Variants in MTMR7 observed in about 807,000 individuals in gnomAD.
The protein encoded by MTMR7 is myotubularin related protein 7.
MTMR7 carries 76 observed loss-of-function variants against 81.2 expected under a neutral mutation model. That is an observed-to-expected ratio of 0.94 (90% CI 0.78 to 1.13). MTMR7 has a LOEUF of 1.13. MTMR7 is among the 50% of genes most tolerant of loss of function. MTMR7 has a pLI of 0.00. For missense variants in MTMR7, 1,044 were observed against 820.0 expected (o/e 1.27, Z -3.34); for synonymous variants, 372 against 289.8 (o/e 1.28, Z -2.88).
intron 3 of MTMR7, among the ~76,000 whole-genome samples, chr8:17,367,792 T>C (rs1413573812): frequency 6.6e-6 from 1 of 152,116 alleles, no homozygotes; most frequent in Non-Finnish European, 1.5e-5. Flanking sequence ...CACACCTCTG[T>C]GTCCCTCTGC....
At chr8:17,389,156 C>T (rs1188227000) in intron 1 of MTMR7, among the ~76,000 whole-genome samples, 1 of 152,180 alleles carries the variant, frequency 6.6e-6, no homozygotes, top group Non-Finnish European at 1.5e-5. Context: ...CACCCAAGAT[C>T]CACCTCCTTA....
chr8:17,360,982 A>G (rs1277022505), intron 4 of MTMR7, 135 bp downstream of exon 4: 4 of 1,000,736 alleles, frequency 4.0e-6, no homozygotes, highest in Non-Finnish European at 5.8e-6. Flanking sequence ...GGCACTAACC[A>G]AGAGAGACCT....
At chr8:17,303,543 C>G (rs528605957) in intron 12 of MTMR7, among the ~76,000 whole-genome samples, 2 of 151,958 alleles carry the variant, frequency 1.3e-5, no homozygotes, top group South Asian at 4.2e-4. Flanking sequence ...ACATACGTAT[C>G]TAGCACATAC....
intron 3 of MTMR7, among the ~76,000 whole-genome samples, chr8:17,362,823 C>G (rs1472153607): frequency 6.6e-6 from 1 of 152,188 alleles, no homozygotes; most frequent in African/African-American, 2.4e-5. Flanking sequence ...TTGCCACCAG[C>G]AAGAGGCTGC....
At chr8:17,347,418 G>C (rs890821809) in intron 5 of MTMR7, among the ~76,000 whole-genome samples, 3 of 152,120 alleles carry the variant, frequency 2.0e-5, no homozygotes, top group Non-Finnish European at 4.4e-5. Flanking sequence ...AGAGGGCTAT[G>C]TGCTCACTCT....
intron 7 of MTMR7, among the ~76,000 whole-genome samples, chr8:17,316,009 C>G (rs1225900728): frequency 6.6e-6 from 1 of 152,134 alleles, no homozygotes; most frequent in Non-Finnish European, 1.5e-5. Flanking sequence ...GAGCCAGATC[C>G]TATCTCTAAA....
intron 1 of MTMR7, among the ~76,000 whole-genome samples, chr8:17,411,654 C>G (rs1463373490): frequency 6.6e-6 from 1 of 152,156 alleles, no homozygotes; most frequent in African/African-American, 2.4e-5. Flanking sequence ...GTTTCCATTT[C>G]CAGATAAATA....
At chr8:17,337,570 T>C (rs945899083) in intron 6 of MTMR7, among the ~76,000 whole-genome samples, 1 of 152,166 alleles carries the variant, frequency 6.6e-6, no homozygotes, top group Non-Finnish European at 1.5e-5. Context: ...TTTTTTGGAA[T>C]TGACATTCAA....
chr8:17,346,679 C>T (rs1024447329), intron 5 of MTMR7, among the ~76,000 whole-genome samples: 2 of 146,054 alleles, frequency 1.4e-5, no homozygotes, highest in Non-Finnish European at 2.9e-5. Context: ...TTGCTAGGCA[C>T]ACTGTGCTCA....
chr8:17,336,100 T>A (rs1050773024), intron 6 of MTMR7, among the ~76,000 whole-genome samples: 3 of 152,282 alleles, frequency 2.0e-5, no homozygotes, highest in African/African-American at 7.2e-5. Context: ...TGGCATAGCG[T>A]CCAAGTGCTC....
At chr8:17,381,874 G>C (rs1180130210) in intron 1 of MTMR7, among the ~76,000 whole-genome samples, 2 of 152,216 alleles carry the variant, frequency 1.3e-5, no homozygotes, top group African/African-American at 2.4e-5. Context: ...TGAGTCAAGA[G>C]GCCTGGGCTC....
chr8:17,366,159 C>T (rs1820218693), intron 3 of MTMR7, among the ~76,000 whole-genome samples: 1 of 152,188 alleles, frequency 6.6e-6, no homozygotes. Context: ...AATGGGGCTG[C>T]ATCCGTATAC....
intron 1 of MTMR7, among the ~76,000 whole-genome samples, chr8:17,406,397 T>C (rs979572790): frequency 1.3e-5 from 2 of 152,124 alleles, no homozygotes; most frequent in African/African-American, 4.8e-5. Context: ...ACATGCTCAA[T>C]ATCATTAGTC....
intron 7 of MTMR7, among the ~76,000 whole-genome samples, chr8:17,330,029 C>G (rs1383552704): frequency 1.3e-5 from 2 of 152,312 alleles, no homozygotes; most frequent in East Asian, 3.9e-4. Context: ...TCCTGTCATT[C>G]TGCAGCAGGT....
chr8:17,313,612 G>A (rs1233493373), intron 7 of MTMR7, among the ~76,000 whole-genome samples: 1 of 152,106 alleles, frequency 6.6e-6, no homozygotes, highest in African/African-American at 2.4e-5. Context: ...CTGGTCACAG[G>A]GAATGCTGCA....
At chr8:17,349,355 G>C in intron 4 of MTMR7, 2 of 283,894 alleles carry the variant, frequency 7.0e-6, no homozygotes, top group South Asian at 1.9e-4. Context: ...CAAGACCAGT[G>C]ACAATGAAGC....
In MTMR7 at chr8:17,298,787, G is replaced by A. The variant is rs1226968464; in HGVS notation, c.*1075C>T. On this transcript the variant is annotated 3_prime_UTR_variant, in exon 14 of 14. Coordinates refer to ENST00000180173, the MANE Select transcript of MTMR7 (RefSeq NM_004686.5). Reference sequence around the variant, plus strand: ...TTTTTTAACTCATAAGATAGGGGAGGGACTCTCCCTTAAATGTGCAGTGTA... The same window carrying A: ...TTTTTTAACTCATAAGATAGGGGAGAGACTCTCCCTTAAATGTGCAGTGTA... The A allele has an allele frequency of 6.6e-6, 1 of 152,410 alleles. No individual in the cohort carries two copies. Among genetic ancestry groups the A allele is most frequent in the African/African-American group, 2.4e-5 (1 of 41,382 alleles). The allele number at this position is 152,410 out of a possible 1,614,324, so 9.4% of individuals were successfully genotyped here. A position where few individuals can be genotyped will look rare whatever the true frequency, so the allele number is the denominator to read the frequency against.
At chr8:17,313,668 TAATGAA>T (rs1395731186) in intron 7 of MTMR7, among the ~76,000 whole-genome samples, 2 of 152,204 alleles carry the variant, frequency 1.3e-5, no homozygotes, top group African/African-American at 4.8e-5. Flanking sequence ...ATCCTAATAT[TAATGAA>T]AATCATTAAG....
At chr8:17,323,651 T>TG (rs1381591730) in intron 7 of MTMR7, among the ~76,000 whole-genome samples, 1 of 151,576 alleles carries the variant, frequency 6.6e-6, no homozygotes, top group Admixed American at 6.6e-5. Context: ...GCCGCAGGGG[T>TG]GGGGGGTCAT....
Sources: allele counts gnomAD v4.1 joint callset (sites outside exome capture counted in the v4.1 genomes callset), GRCh38; gene constraint gnomAD v4.1.1; transcripts MANE v1.5; gene names NCBI Gene and HGNC (gene_info 2026-07-23, HGNC 2026-07-21).